ZNF385D: variants seen among roughly 807,000 people sequenced by gnomAD.
The protein encoded by ZNF385D is zinc finger protein 385D.
Under a neutral mutation model 35.8 loss-of-function variants are expected in ZNF385D, and 15 were observed. The ratio of observed to expected loss-of-function variants is 0.42; its 90% CI spans 0.28 to 0.64. The LOEUF (loss-of-function observed/expected upper bound fraction) is 0.64. Ranked by LOEUF, ZNF385D falls within the 30% of genes least tolerant of loss-of-function variation. The probability of loss-of-function intolerance (pLI) is 0.23; values close to 1 mark genes in which losing one functional copy is unlikely to be tolerated. For missense variants in ZNF385D, 474 were observed against 494.6 expected (o/e 0.96, Z 0.39); for synonymous variants, 212 against 186.8 (o/e 1.13, Z -1.10).
At chr3:21,809,766 C>T (rs1222520369) in intron 3 of ZNF385D, among the ~76,000 whole-genome samples, 2 of 150,896 alleles carry the variant, frequency 1.3e-5, no homozygotes, top group Non-Finnish European at 3.0e-5. Context: ...ATACTAGGTA[C>T]ATTAAAATTG....
At chr3:21,631,129 A>G (rs1179888917) in intron 2 of ZNF385D, among the ~76,000 whole-genome samples, 5 of 152,094 alleles carry the variant, frequency 3.3e-5, no homozygotes, top group African/African-American at 9.7e-5. Context: ...AACGTGAGGT[A>G]TACATACTCA....
At chr3:22,191,510 A>T (rs527610003) in intron 2 of ZNF385D, among the ~76,000 whole-genome samples, 39 of 151,754 alleles carry the variant, frequency 2.6e-4, no homozygotes, top group Non-Finnish European at 5.0e-4. Context: ...AAAAAAGGAC[A>T]ATTTTTCCTA....
intron 3 of ZNF385D, among the ~76,000 whole-genome samples, chr3:21,815,948 C>T (rs1373408623): frequency 6.6e-6 from 1 of 152,120 alleles, no homozygotes; most frequent in African/African-American, 2.4e-5. Context: ...TACTGGCAAA[C>T]CGAATCCAGT....
intron 3 of ZNF385D, among the ~76,000 whole-genome samples, chr3:21,973,596 G>A (rs6792056): frequency 0.14 from 20,710 of 151,746 alleles, 3,397 homozygotes; most frequent in African/African-American, 0.39. Flanking sequence ...AAGAAATAAA[G>A]GCCATCTAAA....
intron 2 of ZNF385D, among the ~76,000 whole-genome samples, chr3:22,270,659 TCTTTA>T (rs113873191): frequency 0.062 from 9,407 of 152,012 alleles, 763 homozygotes; most frequent in African/African-American, 0.18. Flanking sequence ...TGATGTGAGA[TCTTTA>T]CTTATTTGCT....
intron 2 of ZNF385D, among the ~76,000 whole-genome samples, chr3:22,211,059 T>C (rs542378022): frequency 6.6e-6 from 1 of 152,058 alleles, no homozygotes; most frequent in South Asian, 2.1e-4. Context: ...TTCTAAATTC[T>C]CCAAAACTCT....
chr3:22,039,107 C>T (rs1260619244), intron 3 of ZNF385D, among the ~76,000 whole-genome samples: 6 of 151,546 alleles, frequency 4.0e-5, no homozygotes, highest in Admixed American at 6.6e-5. Context: ...ACCATGTGAA[C>T]GAGCCAGAAG....
chr3:21,853,131 T>C (rs1470756155), intron 3 of ZNF385D, among the ~76,000 whole-genome samples: 1 of 151,172 alleles, frequency 6.6e-6, no homozygotes, highest in African/African-American at 2.4e-5. Flanking sequence ...AGCAAAAAGA[T>C]ACATTTAGAG....
intron 3 of ZNF385D, among the ~76,000 whole-genome samples, chr3:22,146,286 G>A (rs375799767): frequency 6.6e-6 from 1 of 152,098 alleles, no homozygotes. Context: ...GCTATAGTTA[G>A]AATAATTTTA....
chr3:21,656,660 T>TA (rs1369370767), intron 2 of ZNF385D, among the ~76,000 whole-genome samples: 1 of 151,876 alleles, frequency 6.6e-6, no homozygotes, highest in African/African-American at 2.4e-5. Flanking sequence ...ATTCAACCCA[T>TA]AATACTATTA....
At chr3:21,679,926 G>C (rs2066847984) in intron 1 of ZNF385D, among the ~76,000 whole-genome samples, 1 of 152,056 alleles carries the variant, frequency 6.6e-6, no homozygotes, top group South Asian at 2.1e-4. Context: ...ACTGGAAAGT[G>C]ATCAACCAAG....
At chr3:22,301,021 A>T (rs1319078837) in intron 2 of ZNF385D, among the ~76,000 whole-genome samples, 1 of 152,074 alleles carries the variant, frequency 6.6e-6, no homozygotes. Flanking sequence ...AATAGCCAAG[A>T]TACAGAAACA....
At chr3:21,609,254 G>C (rs796922948) in intron 2 of ZNF385D, among the ~76,000 whole-genome samples, 1 of 152,108 alleles carries the variant, frequency 6.6e-6, no homozygotes, top group African/African-American at 2.4e-5. Flanking sequence ...CACAGCTCTC[G>C]CCAACTGAGC....
In ZNF385D at chr3:21,711,072, T is replaced by C. The variant is rs1228597038; in HGVS notation, c.22+39823A>G. On this transcript the variant is annotated intron_variant, in intron 1 of 7. Transcript: ENST00000281523. ...TTTTTTTTTTTTTGAGATGGAGTCTTGCTCTGTCGCCTAGGATGGAGTGCA... is the reference window on the plus strand; with the variant it reads ...TTTTTTTTTTTTTGAGATGGAGTCTCGCTCTGTCGCCTAGGATGGAGTGCA... 4.3e-5 allele frequency among the ~76,000 whole-genome samples: 5 copies of C among 116,746 alleles called. No homozygotes were observed. The East Asian group carries it at 7.7e-4, about 18-fold the overall frequency. 76.6% of individuals were successfully genotyped at this position (116,746 alleles called of 152,430 possible).
rs564569062 is a variant in ZNF385D, at chr3:22,364,484, G to A, written c.106+7966C>T. On this transcript the variant is annotated intron_variant, in intron 2 of 5. Coordinates refer to the ZNF385D transcript ENST00000494108. ...TAAAGGAGACATACAAATGGCTAACGAGCACATGAAAAGAGACTCAACATC... is the reference window on the plus strand; with the variant it reads ...TAAAGGAGACATACAAATGGCTAACAAGCACATGAAAAGAGACTCAACATC... Among the ~76,000 whole-genome samples the A allele has an allele frequency of 4.6e-5, 7 of 151,998 alleles. No homozygotes were observed. The South Asian group carries it at 1.5e-3, about 32-fold the overall frequency.
At chr3:22,171,080 A>G (rs1342604534) in intron 2 of ZNF385D, among the ~76,000 whole-genome samples, 2 of 151,782 alleles carry the variant, frequency 1.3e-5, no homozygotes, top group East Asian at 3.8e-4. Context: ...GCATTTCTGT[A>G]TTTAAAAAAT....
chr3:22,235,071 T>C (rs1699100989), intron 2 of ZNF385D, among the ~76,000 whole-genome samples: 1 of 152,004 alleles, frequency 6.6e-6, no homozygotes, highest in Non-Finnish European at 1.5e-5. Flanking sequence ...ATCAAAGCAA[T>C]CAATTGTTGG....
At position 21,421,420 on chromosome 3, in the gene ZNF385D, A is replaced by C. The variant is rs1700733538; in HGVS notation, c.982T>G (p.Ser328Ala). ...GVKLVFSKEP[S>A]KPLAPRILPN... is the part of the protein sequence containing the mutation. ...AGAATTCGTGGAGCCAATGGCTTTG[A>C]AGGTTCTTTTGAAAATACTAATTTT... is the stretch of plus-strand genomic sequence containing the variant. The change falls in exon 8 of 8, where the codon TCA becomes GCA. Residue 328 changes from serine (S) to alanine (A), a missense_variant. Ser to Ala is a moderately conservative substitution (Grantham distance 99, BLOSUM62 1). Transcript: ENST00000281523. The C allele has an allele frequency of 6.2e-7, 1 of 1,613,328 alleles. No individual in the cohort carries two copies. Among genetic ancestry groups the C allele is most frequent in the African/African-American group, 1.3e-5 (1 of 74,916 alleles).
At position 22,101,317 on chromosome 3, in the gene ZNF385D, T is replaced by C. The variant is rs75345241; in HGVS notation, c.325+67500A>G. On this transcript the variant is annotated intron_variant, in intron 3 of 5. Coordinates refer to the ZNF385D transcript ENST00000494108. Reference sequence around the variant, plus strand: ...AAATATATTTATGTAGATAGAGAGATAGAAGTAGGTATAGATACACATACA... The same window carrying C: ...AAATATATTTATGTAGATAGAGAGACAGAAGTAGGTATAGATACACATACA... 2.0e-5 allele frequency among the ~76,000 whole-genome samples: 3 copies of C among 151,998 alleles called. No homozygotes were observed. In the Admixed American group the frequency reaches 2.0e-4, roughly 10 times the overall value.
Sources: gnomAD v4.1 joint callset for allele counts (sites outside exome capture counted in the v4.1 genomes callset) on GRCh38, gnomAD v4.1.1 for gene constraint, MANE v1.5 for transcripts, NCBI Gene and HGNC (gene_info 2026-07-23, HGNC 2026-07-21) for gene names.